Variants in MYOM2 observed in about 807,000 individuals in gnomAD.
MYOM2 encodes the protein myomesin-2.
A neutral mutation model predicts 187.6 loss-of-function variants in MYOM2; 254 were observed. That is an observed-to-expected ratio of 1.35 (90% CI 1.22 to 1.50). MYOM2 has a LOEUF of 1.50. Among genes scored for constraint, MYOM2 ranks in the 40% most tolerant of loss-of-function variants. The pLI, the probability that MYOM2 is intolerant of heterozygous loss-of-function variation, is 0.00. For missense variants in MYOM2, 2,796 were observed against 1,924.0 expected, an observed-to-expected ratio of 1.45 and a Z score of -8.48; for synonymous variants, 981 against 753.8, an observed-to-expected ratio of 1.30 and a Z score of -4.94.
rs140039040 is a variant in MYOM2 at position 2,059,466 on chromosome 8, A to T, written c.653+221A>T. On this transcript the variant is annotated intron_variant, in intron 6 of 36. Coordinates refer to ENST00000262113, the MANE Select transcript of MYOM2 (RefSeq NM_003970.4). ...AGGAATGCAAACTCTGGGAATAAAG[A>T]CAGTAGATAGTTCAGGGAAAGGTAA... 2.4e-3 allele frequency among the ~76,000 whole-genome samples: 373 copies of T among 152,284 alleles called. 5 individuals are homozygous for T. The highest frequency in any genetic ancestry group is 8.3e-3 in the African/African-American group (345 of 41,556).
intron 5 of MYOM2, among the ~76,000 whole-genome samples, chr8:2,058,803 C>A (rs556551597): frequency 2.6e-5 from 4 of 152,194 alleles, no homozygotes; most frequent in Admixed American, 6.5e-5. Context: ...CCGCAGAACT[C>A]CCTGAGACAC....
intron 32 of MYOM2, among the ~76,000 whole-genome samples, chr8:2,139,171 C>T (rs1050065624): frequency 6.6e-5 from 10 of 152,138 alleles, no homozygotes; most frequent in African/African-American, 1.9e-4. Flanking sequence ...GACAGTGTCT[C>T]GCTCTGTTGG....
Position 2,069,358 on chromosome 8 carries a change from T to C in MYOM2, c.734T>C (p.Val245Ala), listed in dbSNP as rs80004134. Reference sequence around the variant, plus strand: ...CAAGTGTCCACCAACGCGGCGGTGGTGGTGAGAAGTGAGTGCCGGGTGGGC... The same window carrying C: ...CAAGTGTCCACCAACGCGGCGGTGGCGGTGAGAAGTGAGTGCCGGGTGGGC... The part of the protein sequence containing the change: ...HGQVSTNAAV[V>A]VRRFRGDEEP... Residue 245 changes from valine (V) to alanine (A), a missense_variant, in exon 7 of 37, where the codon GTG (valine) becomes GCG (alanine). Transcript: ENST00000262113. The C allele has an allele frequency of 7.7e-5, 125 of 1,613,786 alleles. No homozygotes were observed. Among genetic ancestry groups the C allele is most frequent in the Non-Finnish European group, 1.0e-4 (118 of 1,179,878 alleles).
At chr8:2,066,687 G>A (rs1005559334) in intron 6 of MYOM2, among the ~76,000 whole-genome samples, 3 of 152,196 alleles carry the variant, frequency 2.0e-5, no homozygotes, top group Non-Finnish European at 2.9e-5. Flanking sequence ...AGCACAATGC[G>A]CTCCCTGTGG....
Position 2,090,145 on chromosome 8 carries a change from C to T in MYOM2, c.1782C>T (p.Ser594=), listed in dbSNP as rs762348648. 10 of 1,613,878 alleles carry T rather than the reference C, an allele frequency of 6.2e-6. No individual in the cohort carries two copies. Among genetic ancestry groups the T allele is most frequent in the East Asian group, 4.5e-5 (2 of 44,886 alleles). Residue 594 remains serine, a synonymous_variant, in exon 15 of 37, where the codon AGC becomes AGT. Transcript: ENST00000262113. ...TGTCAGCAAACCGGCATGGCCTGAG[C>T]GAACCTTCGGAGATAACGTCCCCCA... ...RVLSANRHGL[S]EPSEITSPIQ...
intron 2 of MYOM2, among the ~76,000 whole-genome samples, chr8:2,051,844 G>C (rs3824187): frequency 0.057 from 8,603 of 152,242 alleles, 499 homozygotes; most frequent in African/African-American, 0.14. Flanking sequence ...ACTTGTGTAG[G>C]TTTGTTTATG....
At chr8:2,134,232 C>T (rs569287176) in intron 32 of MYOM2, among the ~76,000 whole-genome samples, 14 of 152,046 alleles carry the variant, frequency 9.2e-5, no homozygotes, top group Admixed American at 1.3e-4. Flanking sequence ...TCCCCCCTGT[C>T]TAGGACAGTT....
chr8:2,128,840 G>A (rs1335756838), intron 31 of MYOM2, among the ~76,000 whole-genome samples: 1 of 152,192 alleles, frequency 6.6e-6, no homozygotes, highest in African/African-American at 2.4e-5. Flanking sequence ...CTTTTCTTAA[G>A]CAAAGCTGCT....
intron 3 of MYOM2, among the ~76,000 whole-genome samples, chr8:2,054,661 A>C (rs1818597114): frequency 6.6e-6 from 1 of 152,208 alleles, no homozygotes; most frequent in Non-Finnish European, 1.5e-5. Context: ...TGTTACTCAA[A>C]CATAAAGAGC....
In MYOM2 at chr8:2,070,388, C is replaced by T. The variant is rs1413091435; in HGVS notation, c.793+891C>T. ...GGCCGCTGTGGGCGTGGCCTCTGCT[C>T]GCGATTTCTGTGTGACTTTTTTTGC... On this transcript the variant is annotated intron_variant, in intron 8 of 36. Transcript: ENST00000262113. Among the ~76,000 whole-genome samples the T allele has an allele frequency of 7.2e-5, 11 of 152,166 alleles. No individual in the cohort carries two copies. The South Asian group carries it at 8.3e-4, about 11-fold the overall frequency.
intron 17 of MYOM2, among the ~76,000 whole-genome samples, chr8:2,094,303 A>C (rs1796408970): frequency 1.3e-5 from 2 of 152,208 alleles, no homozygotes; most frequent in African/African-American, 2.4e-5. Flanking sequence ...TACACTAATA[A>C]AACGCAAATT....
chr8:2,123,201 C>G, intron 28 of MYOM2, 51 bp from the exon 29 acceptor site: 1 of 1,242,084 alleles, frequency 8.1e-7, no homozygotes, highest in African/African-American at 1.5e-5. Flanking sequence ...CTTTCTTTTT[C>G]TCATGAGTCA....
chr8:2,052,051 C>T (rs1818508359), intron 2 of MYOM2, 107 bp from the exon 3 acceptor site: 2 of 1,392,710 alleles, frequency 1.4e-6, no homozygotes, highest in African/African-American at 1.4e-5. Context: ...GTGTGCTCTG[C>T]ATATACCAGT....
At position 2,114,365 on chromosome 8, in the gene MYOM2, G is replaced by A. The variant is rs116864661; in HGVS notation, c.3181-1595G>A. Among the ~76,000 whole-genome samples, 36 of 152,350 alleles carry A rather than the reference G, an allele frequency of 2.4e-4. No individual in the cohort carries two copies. In the East Asian group the frequency reaches 6.2e-3, roughly 26 times the overall value. ...TCTCAGACCAACCAACAGCCTTCCA[G>A]TCTTTCTCCTATCTTAGCAACAAGA... On this transcript the variant is annotated intron_variant, in intron 25 of 36. Transcript: ENST00000262113.
At chr8:2,126,629 G>C (rs990556613) in intron 31 of MYOM2, among the ~76,000 whole-genome samples, 8 of 150,834 alleles carry the variant, frequency 5.3e-5, no homozygotes, top group African/African-American at 2.0e-4. Flanking sequence ...GAGCATTGGG[G>C]GAGGCTGATA....
At chr8:2,069,567 G>T in intron 8 of MYOM2, 70 bp downstream of exon 8, 1 of 1,573,588 alleles carries the variant, frequency 6.4e-7, no homozygotes, top group Non-Finnish European at 8.7e-7. Context: ...TTGAAAACAT[G>T]GTTTCCTAAG....
intron 32 of MYOM2, among the ~76,000 whole-genome samples, chr8:2,132,362 A>G (rs528094561): frequency 6.6e-6 from 1 of 152,332 alleles, no homozygotes; most frequent in Non-Finnish European, 1.5e-5. Context: ...AGGCTATAGA[A>G]CATGTCACTT....
intron 11 of MYOM2, chr8:2,076,483 A>T (rs1819427138): frequency 1.5e-6 from 1 of 660,738 alleles, no homozygotes; most frequent in Non-Finnish European, 2.4e-6. Flanking sequence ...GCATAACCAC[A>T]CTGGGTTTCT....
At chr8:2,058,222 T>A (rs533278475) in intron 5 of MYOM2, among the ~76,000 whole-genome samples, 1 of 152,038 alleles carries the variant, frequency 6.6e-6, no homozygotes, top group African/African-American at 2.4e-5. Flanking sequence ...TTTCACCATG[T>A]TGGCCAGGCT....
Sources: gnomAD v4.1 joint callset for allele counts (sites outside exome capture counted in the v4.1 genomes callset) on GRCh38, gnomAD v4.1.1 for gene constraint, MANE v1.5 for transcripts, NCBI Gene and HGNC (gene_info 2026-07-23, HGNC 2026-07-21) for gene names.